Variants in SGCZ observed in about 807,000 individuals in gnomAD.
SGCZ encodes the protein zeta-sarcoglycan.
SGCZ carries 40 observed loss-of-function variants against 41.3 expected under a neutral mutation model. The observed-to-expected ratio is 0.97, with a 90% CI of 0.75 to 1.26. The LOEUF is 1.26. SGCZ is among the 50% of genes most tolerant of loss of function. The pLI is 0.00. For missense variants in SGCZ, 552 were observed against 369.8 expected (o/e 1.49, Z -4.04); for synonymous variants, 206 against 137.5 (o/e 1.50, Z -3.49).
At chr8:15,049,149 T>C (rs539407406) in intron 1 of SGCZ, among the ~76,000 whole-genome samples, 209 of 152,150 alleles carry the variant, frequency 1.4e-3, no homozygotes, top group African/African-American at 4.9e-3. Flanking sequence ...TAAAAAGAAA[T>C]AAAATTCTGT....
chr8:15,178,209 TTTTC>T (rs976461799), intron 1 of SGCZ, among the ~76,000 whole-genome samples: 2 of 152,168 alleles, frequency 1.3e-5, no homozygotes, highest in African/African-American at 4.8e-5. Flanking sequence ...TTTTTTGTTT[TTTTC>T]TTTGAGAATT....
At chr8:14,795,823 C>T (rs1428623230) in intron 1 of SGCZ, among the ~76,000 whole-genome samples, 3 of 152,132 alleles carry the variant, frequency 2.0e-5, no homozygotes, top group East Asian at 1.9e-4. Flanking sequence ...TCTTCCTCCT[C>T]CCACCCTCCA....
At position 14,492,328 on chromosome 8, in the gene SGCZ, A is replaced by C. The variant is rs570674802; in HGVS notation, c.234+62404T>G. ...TAAGCTGAAAGCAATACTGGACTTT[A>C]AAAATTATGTTTCTTTGTGTATTAC... On this transcript the variant is annotated intron_variant, in intron 2 of 7. Coordinates refer to ENST00000382080, the MANE Select transcript of SGCZ (RefSeq NM_139167.4). Among the ~76,000 whole-genome samples, 4 of 152,298 alleles carry C rather than the reference A, an allele frequency of 2.6e-5. No homozygotes were observed. The East Asian group carries it at 7.7e-4, about 29-fold the overall frequency.
At chr8:14,119,036 G>C (rs1269634272) in intron 5 of SGCZ, among the ~76,000 whole-genome samples, 1 of 152,092 alleles carries the variant, frequency 6.6e-6, no homozygotes, top group African/African-American at 2.4e-5. Flanking sequence ...GATTGTCTTG[G>C]CTACGTGGGC....
rs552204438 is a variant in SGCZ, at chr8:14,385,111, T to G, written c.235-60907A>C. Among the ~76,000 whole-genome samples, 22 of 152,056 alleles carry G rather than the reference T, an allele frequency of 1.4e-4. No homozygotes were observed. In the East Asian group the frequency reaches 4.1e-3, roughly 28 times the overall value. The stretch of plus-strand genomic sequence containing the variant: ...TAACAACTGTGTGTAGGAATTGGGG[T>G]GACTGGTTTGTATCGTTTGGTGATT... On this transcript the variant is annotated intron_variant, in intron 2 of 7. Coordinates refer to ENST00000382080, the MANE Select transcript of SGCZ (RefSeq NM_139167.4).
chr8:14,801,801 G>C (rs889381407), intron 1 of SGCZ, among the ~76,000 whole-genome samples: 8 of 151,324 alleles, frequency 5.3e-5, no homozygotes, highest in Admixed American at 2.7e-4. Flanking sequence ...AGGAAAAAGA[G>C]CACCAAATTT....
chr8:14,680,974 A>AAAAAAAAC lies in SGCZ; in HGVS notation c.40-126056_40-126049dup, dbSNP rs1554479483. On this transcript the variant is annotated intron_variant, in intron 1 of 7. Transcript: ENST00000382080. Reference sequence around the variant, plus strand: ...GAGGAAAAAGAGTGGGAAAAAAAAAAAAAAAAACAGAAAATCGGTGAACCC... The same window carrying AAAAAAAAC: ...GAGGAAAAAGAGTGGGAAAAAAAAAAAAAAAAACAAAAAAACAGAAAATCGGTGAACCC... Among the ~76,000 whole-genome samples, 46 of 151,014 alleles carry AAAAAAAAC rather than the reference A, an allele frequency of 3.0e-4. No homozygotes were observed. In the East Asian group the frequency reaches 8.8e-3, roughly 29 times the overall value.
chr8:14,528,926 T>C (rs1182872640), intron 2 of SGCZ, among the ~76,000 whole-genome samples: 1 of 151,188 alleles, frequency 6.6e-6, no homozygotes, highest in Non-Finnish European at 1.5e-5. Context: ...ATCTCAGACA[T>C]CATCCACTGC....
intron 2 of SGCZ, among the ~76,000 whole-genome samples, chr8:14,414,109 ATG>A (rs1294091703): frequency 1.3e-5 from 2 of 152,018 alleles, no homozygotes; most frequent in African/African-American, 4.8e-5. Context: ...TAGCTATATA[ATG>A]TGACTTGCAC....
chr8:14,726,055 G>A (rs1395115424), intron 1 of SGCZ, among the ~76,000 whole-genome samples: 2 of 151,616 alleles, frequency 1.3e-5, no homozygotes, highest in South Asian at 2.1e-4. Flanking sequence ...TCAGGAGATC[G>A]AGACCATCCT....
intron 1 of SGCZ, among the ~76,000 whole-genome samples, chr8:14,890,529 T>C (rs775110687): frequency 1.9e-4 from 29 of 152,144 alleles, no homozygotes; most frequent in Non-Finnish European, 3.7e-4. Flanking sequence ...CAAGAAAAGT[T>C]TGAAGCTAGA....
At chr8:14,568,413 A>G (rs971923771) in intron 1 of SGCZ, among the ~76,000 whole-genome samples, 1 of 143,820 alleles carries the variant, frequency 7.0e-6, no homozygotes, top group African/African-American at 2.6e-5. Flanking sequence ...GAAAGAATTG[A>G]TCGTTTTGAA....
intron 1 of SGCZ, among the ~76,000 whole-genome samples, chr8:15,153,621 C>T (rs922099345): frequency 6.6e-5 from 10 of 151,946 alleles, no homozygotes; most frequent in South Asian, 2.1e-4. Flanking sequence ...AGTGAGCTCT[C>T]GCTCTGAGTT....
chr8:14,189,279 C>T (rs549602728), intron 4 of SGCZ, among the ~76,000 whole-genome samples: 73 of 152,222 alleles, frequency 4.8e-4, no homozygotes, highest in Middle Eastern at 3.4e-3. Context: ...ATCTTCTTCA[C>T]ACAGAAGCCA....
intron 1 of SGCZ, among the ~76,000 whole-genome samples, chr8:15,076,025 G>A (rs1179751448): frequency 6.6e-6 from 1 of 151,974 alleles, no homozygotes; most frequent in African/African-American, 2.4e-5. Flanking sequence ...ATAACTTTTG[G>A]TACTATGAGA....
Position 14,125,703 on chromosome 8 carries a change from G to C in SGCZ, c.548-17468C>G, listed in dbSNP as rs977925531. ...CTAAGCAAAAAGGACAAAGCTGGAG[G>C]CATCACACTACCTGATTCCAAACTA... On this transcript the variant is annotated intron_variant, in intron 5 of 7. Transcript: ENST00000382080. Among the ~76,000 whole-genome samples the C allele has an allele frequency of 2.0e-5, 3 of 152,068 alleles. No homozygotes were observed. In the East Asian group the frequency reaches 5.8e-4, roughly 29 times the overall value.
At chr8:14,207,176 A>G (rs1483463661) in intron 4 of SGCZ, among the ~76,000 whole-genome samples, 1 of 16,400 alleles carries the variant, frequency 6.1e-5, no homozygotes, top group Non-Finnish European at 9.2e-5. Flanking sequence ...AACTAGCTTG[A>G]CCTTTGTAGT....
At chr8:15,063,099 A>C (rs1205036623) in intron 1 of SGCZ, among the ~76,000 whole-genome samples, 1 of 151,814 alleles carries the variant, frequency 6.6e-6, no homozygotes, top group Non-Finnish European at 1.5e-5. Context: ...GAATAAATCA[A>C]AAGTAAACTT....
chr8:14,386,643 G>C (rs1804588927), intron 2 of SGCZ, among the ~76,000 whole-genome samples: 2 of 151,912 alleles, frequency 1.3e-5, no homozygotes, highest in Admixed American at 1.3e-4. Flanking sequence ...CTCTAAATTT[G>C]GTTTACATTT....
Sources: gnomAD v4.1 joint callset for allele counts (sites outside exome capture counted in the v4.1 genomes callset) on GRCh38, gnomAD v4.1.1 for gene constraint, MANE v1.5 for transcripts, NCBI Gene and HGNC (gene_info 2026-07-23, HGNC 2026-07-21) for gene names.